Variants in MAML2 observed in about 807,000 individuals in gnomAD.
MAML2 encodes mastermind-like protein 2.
MAML2 carries 22 observed loss-of-function variants against 96.1 expected under a neutral mutation model. That is an observed-to-expected ratio of 0.23 (90% CI 0.16 to 0.33). The LOEUF (loss-of-function observed/expected upper bound fraction) is 0.33, where lower values mean the gene tolerates loss of function less well. Ranked by LOEUF, MAML2 falls within the 10% of genes least tolerant of loss-of-function variation. The probability of loss-of-function intolerance (pLI) is 1.00; values close to 1 mark genes in which losing one functional copy is unlikely to be tolerated. For missense variants in MAML2, 1,367 were observed against 1,392.4 expected (o/e 0.98, Z 0.29); for synonymous variants, 561 against 521.3 (o/e 1.08, Z -1.04).
chr11:96,119,826 A>G (rs940959840), intron 1 of MAML2, among the ~76,000 whole-genome samples: 2 of 152,200 alleles, frequency 1.3e-5, no homozygotes, highest in Non-Finnish European at 2.9e-5. Context: ...ATTTATTTAA[A>G]TATTAATTGT....
rs202059737 is a variant in MAML2, at chr11:96,250,076, C to T, written c.513+91307G>A. Among the ~76,000 whole-genome samples the T allele has an allele frequency of 9.2e-5, 14 of 152,212 alleles. No homozygotes were observed. The East Asian group carries it at 1.4e-3, about 15-fold the overall frequency. ...AGAACTCGTTATCCAGACAGTTTCA[C>T]GGCTCGCTCCTTTACTTCCTGCAGG... On this transcript the variant is annotated intron_variant, in intron 1 of 4. Coordinates refer to ENST00000524717, the MANE Select transcript of MAML2 (RefSeq NM_032427.4).
At chr11:96,187,204 A>G (rs1012167977) in intron 1 of MAML2, among the ~76,000 whole-genome samples, 2 of 152,232 alleles carry the variant, frequency 1.3e-5, no homozygotes, top group Admixed American at 6.5e-5. Flanking sequence ...TAAGTGTGAT[A>G]GCTAAATGAG....
At chr11:96,031,032 A>C (rs894393175) in intron 2 of MAML2, among the ~76,000 whole-genome samples, 1 of 152,172 alleles carries the variant, frequency 6.6e-6, no homozygotes, top group Admixed American at 6.5e-5. Context: ...TTTGGTTAGG[A>C]GTCACCCAAA....
At chr11:96,162,228 T>G (rs1189452683) in intron 1 of MAML2, among the ~76,000 whole-genome samples, 1 of 143,438 alleles carries the variant, frequency 7.0e-6, no homozygotes, top group African/African-American at 2.6e-5. Context: ...GTTCTTTACA[T>G]GCAGAATCAG....
At chr11:96,084,184 C>G (rs1321166933) in intron 2 of MAML2, among the ~76,000 whole-genome samples, 1 of 152,056 alleles carries the variant, frequency 6.6e-6, no homozygotes, top group African/African-American at 2.4e-5. Context: ...AAGAGAAAGG[C>G]TGGGAATGAA....
rs113745732 is a variant in MAML2, at chr11:96,033,476, G to A, written c.2140-41753C>T. ...TAAATGAATCTATGCTTAGGTAATA[G>A]TTTCAAGTCTGTAAGTCCTTCAGAG... On this transcript the variant is annotated intron_variant, in intron 2 of 4. Coordinates refer to ENST00000524717, the MANE Select transcript of MAML2 (RefSeq NM_032427.4). Among the ~76,000 whole-genome samples, 646 of 152,298 alleles carry A rather than the reference G, an allele frequency of 4.2e-3. 7 individuals carry two copies. The highest frequency in any genetic ancestry group is 3.5e-3 in the Non-Finnish European group (236 of 68,026).
chr11:96,312,381 G>A (rs1435338267), intron 1 of MAML2, among the ~76,000 whole-genome samples: 1 of 152,078 alleles, frequency 6.6e-6, no homozygotes. Flanking sequence ...ATCCAGATAG[G>A]TGGGCTTTTG....
In MAML2 at chr11:96,298,790, C is replaced by G. The variant is rs187948579; in HGVS notation, c.513+42593G>C. ...GGGCGCAGTGGCTCAGGCCTGTAAT[C>G]CTAGCACTTTGGGAGGCTGAGGAGG... On this transcript the variant is annotated intron_variant, in intron 1 of 4. Transcript: ENST00000524717. Among the ~76,000 whole-genome samples, 1,047 of 146,888 alleles carry G rather than the reference C, an allele frequency of 7.1e-3. 7 individuals carry two copies. Among genetic ancestry groups the G allele is most frequent in the Non-Finnish European group, 0.011 (747 of 66,882 alleles).
intron 1 of MAML2, among the ~76,000 whole-genome samples, chr11:96,288,634 T>C (rs1339199797): frequency 1.3e-5 from 2 of 151,936 alleles, no homozygotes; most frequent in Non-Finnish European, 2.9e-5. Context: ...CAACAAATGG[T>C]AATACCATTA....
rs888098894 is a variant in MAML2, at chr11:95,991,629, T to C, written c.2234A>G (p.Gln745Arg). 3.1e-6 allele frequency: 5 copies of C among 1,613,786 alleles called. No homozygotes were observed. The highest frequency in any genetic ancestry group is 4.2e-6 in the Non-Finnish European group (5 of 1,179,734). The change falls in exon 3 of 5, where the codon CAG (glutamine) becomes CGG (arginine). Residue 745 changes from glutamine (Q) to arginine (R), a missense_variant. By Grantham distance (43) the Gln-to-Arg change is conservative. Coordinates refer to ENST00000524717, the MANE Select transcript of MAML2 (RefSeq NM_032427.4). ...CAATTGCTGATTCAACAGTGATTGC[T>C]GGGAGTTCATGTAACCACTTCCAGT... is the stretch of plus-strand genomic sequence containing the variant. ...PNTGSGYMNS[Q>R]QSLLNQQLMG...
At chr11:96,196,136 AAAAGTGACT>A (rs1321977065) in intron 1 of MAML2, among the ~76,000 whole-genome samples, 1 of 152,242 alleles carries the variant, frequency 6.6e-6, no homozygotes, top group Admixed American at 6.5e-5. Context: ...AAATGTAAGT[AAAAGTGACT>A]ATTGTTAATT....
intron 1 of MAML2, among the ~76,000 whole-genome samples, chr11:96,104,088 TTTG>T (rs1442652427): frequency 6.6e-6 from 1 of 152,202 alleles, no homozygotes; most frequent in African/African-American, 2.4e-5. Context: ...CATGTTCATG[TTTG>T]TTTTCCATCT....
At chr11:96,289,652 A>G (rs1232017074) in intron 1 of MAML2, among the ~76,000 whole-genome samples, 2 of 152,234 alleles carry the variant, frequency 1.3e-5, no homozygotes, top group Non-Finnish European at 2.9e-5. Context: ...AAACCTAGCT[A>G]ACCTGCGACA....
chr11:96,113,604 GAAA>G (rs61518039), intron 1 of MAML2, among the ~76,000 whole-genome samples: 1 of 139,198 alleles, frequency 7.2e-6, no homozygotes. Flanking sequence ...CCCGTTGTTT[GAAA>G]AAAAAAAAAA....
intron 1 of MAML2, among the ~76,000 whole-genome samples, chr11:96,256,778 T>TA (rs1302404598): frequency 1.3e-5 from 2 of 152,210 alleles, no homozygotes; most frequent in African/African-American, 4.8e-5. Context: ...GGAAGTTACT[T>TA]ATTTTACACA....
chr11:96,277,697 C>T (rs1313814639), intron 1 of MAML2, among the ~76,000 whole-genome samples: 1 of 147,322 alleles, frequency 6.8e-6, no homozygotes, highest in East Asian at 2.0e-4. Context: ...GAGATCATGC[C>T]ACTGCACTCC....
At chr11:96,094,531 C>T (rs1442539068) in intron 1 of MAML2, among the ~76,000 whole-genome samples, 2 of 152,164 alleles carry the variant, frequency 1.3e-5, no homozygotes, top group Non-Finnish European at 2.9e-5. Context: ...TAAACAGCAA[C>T]ATGTTTAAGT....
chr11:96,291,851 T>TG (rs1207908434), intron 1 of MAML2, among the ~76,000 whole-genome samples: 1 of 152,186 alleles, frequency 6.6e-6, no homozygotes, highest in Non-Finnish European at 1.5e-5. Flanking sequence ...CTCCTGGATG[T>TG]ATATCACCTT....
intron 1 of MAML2, among the ~76,000 whole-genome samples, chr11:96,267,895 T>C (rs1862853052): frequency 2.6e-5 from 4 of 152,226 alleles, no homozygotes; most frequent in Admixed American, 2.0e-4. Flanking sequence ...TCAGCCCACT[T>C]GCTATTTTCA....
Sources: gnomAD v4.1 joint callset for allele counts (sites outside exome capture counted in the v4.1 genomes callset) on GRCh38, gnomAD v4.1.1 for gene constraint, MANE v1.5 for transcripts, NCBI Gene and HGNC (gene_info 2026-07-23, HGNC 2026-07-21) for gene names.